The following MACROD2 variants were observed in gnomAD, a reference collection of about 807,000 sequenced individuals.
The protein encoded by MACROD2 is ADP-ribose glycohydrolase MACROD2.
MACROD2 carries 36 observed loss-of-function variants against 70.4 expected under a neutral mutation model. That is an observed-to-expected ratio of 0.51 (90% CI 0.39 to 0.68). The LOEUF (loss-of-function observed/expected upper bound fraction) is 0.68. Among genes scored for constraint, MACROD2 ranks in the 30% least tolerant of loss-of-function variants. The pLI is 0.00. For missense variants in MACROD2, 496 were observed against 538.4 expected (o/e 0.92, Z 0.78); for synonymous variants, 172 against 178.8 (o/e 0.96, Z 0.30).
At chr20:15,756,598 T>C (rs1239459484) in intron 8 of MACROD2, among the ~76,000 whole-genome samples, 1 of 152,062 alleles carries the variant, frequency 6.6e-6, no homozygotes, top group Non-Finnish European at 1.5e-5. Context: ...CGTCATAAAA[T>C]GGGGGTGGGT....
At chr20:16,001,675 T>G (rs2066711523) in intron 15 of MACROD2, among the ~76,000 whole-genome samples, 1 of 152,208 alleles carries the variant, frequency 6.6e-6, no homozygotes, top group African/African-American at 2.4e-5. Flanking sequence ...AAGAAAAATT[T>G]CAAAGGAGAA....
chr20:14,150,039 C>A (rs6079322), intron 3 of MACROD2, among the ~76,000 whole-genome samples: 109,948 of 151,844 alleles, frequency 0.72, 40,162 homozygotes, highest in East Asian at 0.81. Context: ...AACATAATTT[C>A]TCTTCTTTTA....
At chr20:14,356,121 T>G (rs1601523378) in intron 3 of MACROD2, among the ~76,000 whole-genome samples, 1 of 152,200 alleles carries the variant, frequency 6.6e-6, no homozygotes, top group Admixed American at 6.5e-5. Context: ...CTGCCACTTG[T>G]GAGCTGAATT....
chr20:14,083,785 T>C lies in MACROD2; in HGVS notation c.164-1836T>C, dbSNP rs368044675. The stretch of plus-strand genomic sequence containing the variant: ...ACAACCAGTGAGTATTTTGATAGAA[T>C]ACTTCTGGGAGAGGCCCAGGCGCGG... On this transcript the variant is annotated intron_variant, in intron 2 of 17. Coordinates refer to ENST00000684519, the MANE Select transcript of MACROD2 (RefSeq NM_001351661.2). Among the ~76,000 whole-genome samples, 10 of 151,768 alleles carry C rather than the reference T, an allele frequency of 6.6e-5. No homozygotes were observed. The East Asian group carries it at 1.4e-3, about 21-fold the overall frequency.
At chr20:14,652,233 T>C (rs1267734062) in intron 4 of MACROD2, among the ~76,000 whole-genome samples, 2 of 152,228 alleles carry the variant, frequency 1.3e-5, no homozygotes, top group Non-Finnish European at 2.9e-5. Flanking sequence ...CCCAAATGAT[T>C]AACCTGTAAG....
intron 8 of MACROD2, among the ~76,000 whole-genome samples, chr20:15,834,220 A>G (rs564953552): frequency 3.3e-5 from 5 of 152,246 alleles, no homozygotes; most frequent in African/African-American, 1.2e-4. Context: ...GGCACCTGTA[A>G]TCCCAGCTAC....
intron 5 of MACROD2, among the ~76,000 whole-genome samples, chr20:14,821,883 A>G (rs563630113): frequency 4.1e-4 from 62 of 151,994 alleles, no homozygotes; most frequent in Non-Finnish European, 5.7e-4. Flanking sequence ...ATTTCCAAAG[A>G]CTTCCGTTTA....
intron 8 of MACROD2, among the ~76,000 whole-genome samples, chr20:15,744,430 T>A (rs1007710609): frequency 5.3e-5 from 8 of 152,204 alleles, no homozygotes; most frequent in Non-Finnish European, 1.2e-4. Flanking sequence ...TATTTGAAGG[T>A]ACTAAGCTTA....
chr20:14,898,555 C>T (rs570825542), intron 5 of MACROD2, among the ~76,000 whole-genome samples: 35 of 152,030 alleles, frequency 2.3e-4, no homozygotes, highest in Middle Eastern at 3.4e-3. Flanking sequence ...GGTGAAACCC[C>T]GTCTCTACAA....
intron 8 of MACROD2, among the ~76,000 whole-genome samples, chr20:15,650,234 T>C (rs1413541251): frequency 6.6e-6 from 1 of 152,198 alleles, no homozygotes; most frequent in African/African-American, 2.4e-5. Context: ...ACAGGTTTTC[T>C]TAAAAATAAA....
chr20:14,984,046 G>A (rs1398957991), intron 5 of MACROD2, among the ~76,000 whole-genome samples: 1 of 152,114 alleles, frequency 6.6e-6, no homozygotes, highest in African/African-American at 2.4e-5. Flanking sequence ...TAGAACCAGG[G>A]TAGAAGTTGG....
At chr20:15,803,950 A>G (rs1169214384) in intron 8 of MACROD2, among the ~76,000 whole-genome samples, 1 of 152,266 alleles carries the variant, frequency 6.6e-6, no homozygotes, top group Non-Finnish European at 1.5e-5. Context: ...AGTTCTTAGA[A>G]TTAGGGAAAA....
At chr20:14,141,067 G>C (rs1288913160) in intron 3 of MACROD2, among the ~76,000 whole-genome samples, 1 of 152,146 alleles carries the variant, frequency 6.6e-6, no homozygotes, top group Non-Finnish European at 1.5e-5. Context: ...GTGTTGTGTT[G>C]GGTAGGGCAG....
intron 10 of MACROD2, among the ~76,000 whole-genome samples, chr20:15,910,730 T>C (rs967371902): frequency 6.6e-6 from 1 of 152,152 alleles, no homozygotes; most frequent in East Asian, 1.9e-4. Context: ...TTTAAAAAAC[T>C]CCCAAGGTGT....
In MACROD2 at chr20:15,290,529, T is replaced by C. The variant is rs527353273; in HGVS notation, c.540+60468T>C. 6.2e-4 allele frequency among the ~76,000 whole-genome samples: 95 copies of C among 152,338 alleles called. 1 individual carries two copies. The highest frequency in any genetic ancestry group is 3.9e-4 in the East Asian group (2 of 5,192). Reference sequence around the variant, plus strand: ...ACAATAACTGTTTAGTGAGGTTCTTTATGAGACACTCAGGATTATGGATCC... The same window carrying C: ...ACAATAACTGTTTAGTGAGGTTCTTCATGAGACACTCAGGATTATGGATCC... On this transcript the variant is annotated intron_variant, in intron 6 of 17. Coordinates refer to ENST00000684519, the MANE Select transcript of MACROD2 (RefSeq NM_001351661.2).
At chr20:14,886,923 T>C (rs2073684083) in intron 5 of MACROD2, among the ~76,000 whole-genome samples, 1 of 152,122 alleles carries the variant, frequency 6.6e-6, no homozygotes, top group African/African-American at 2.4e-5. Context: ...ATTCCGACAT[T>C]GGCGTCTCTA....
chr20:14,676,680 T>C (rs2070865600), intron 4 of MACROD2, among the ~76,000 whole-genome samples: 2 of 151,882 alleles, frequency 1.3e-5, no homozygotes, highest in African/African-American at 2.4e-5. Flanking sequence ...AGCAAACAAA[T>C]TCAAAAGCTA....
At chr20:14,177,662 G>A (rs2081274175) in intron 3 of MACROD2, among the ~76,000 whole-genome samples, 1 of 151,956 alleles carries the variant, frequency 6.6e-6, no homozygotes, top group African/African-American at 2.4e-5. Flanking sequence ...TGCTTGTATC[G>A]ACCAATGACC....
intron 9 of MACROD2, among the ~76,000 whole-genome samples, chr20:15,883,940 A>G (rs1197081192): frequency 1.3e-5 from 2 of 152,152 alleles, no homozygotes; most frequent in East Asian, 3.9e-4. Flanking sequence ...TGATTTTATT[A>G]TAATAACAGC....
Sources: allele counts gnomAD v4.1 joint callset (sites outside exome capture counted in the v4.1 genomes callset), GRCh38; gene constraint gnomAD v4.1.1; transcripts MANE v1.5; gene names NCBI Gene and HGNC (gene_info 2026-07-23, HGNC 2026-07-21).